Variants in CPSF7 observed in about 807,000 individuals in gnomAD.
CPSF7 encodes cleavage and polyadenylation specificity factor subunit 7.
In CPSF7, 1 loss-of-function variant was observed where a neutral mutation model predicts 44.3. The ratio of observed to expected loss-of-function variants is 0.02; its 90% CI spans 0.01 to 0.11. The LOEUF (loss-of-function observed/expected upper bound fraction) is 0.11, where lower values mean the gene tolerates loss of function less well. CPSF7 is among the 10% of genes least tolerant of loss of function. The probability of loss-of-function intolerance (pLI) is 1.00; values close to 1 mark genes in which losing one functional copy is unlikely to be tolerated. For synonymous variants in CPSF7, 202 were observed against 222.0 expected (o/e 0.91, Z 0.80); for missense variants, 443 against 607.2 (o/e 0.73, Z 2.84).
At chr11:61,429,624 G>T in intron 1 of CPSF7, 1 of 1,011,646 alleles carries the variant, frequency 9.9e-7, no homozygotes, top group Non-Finnish European at 1.4e-6. Flanking sequence ...GCCCCTATCC[G>T]CTGCACCTGC....
At chr11:61,425,060 T>C (rs548123947) in intron 2 of CPSF7, among the ~76,000 whole-genome samples, 25 of 152,342 alleles carry the variant, frequency 1.6e-4, no homozygotes, top group African/African-American at 5.8e-4. Flanking sequence ...CTGGAGAATC[T>C]TGGTATGGCT....
intron 1 of CPSF7, chr11:61,429,643 CA>C (rs1861759688): frequency 1.6e-6 from 2 of 1,233,590 alleles, no homozygotes; most frequent in African/African-American, 3.0e-5. Flanking sequence ...GCCTAGCCCC[CA>C]AGGCGGCTCC....
intron 2 of CPSF7, among the ~76,000 whole-genome samples, chr11:61,427,844 A>T (rs1861536595): frequency 6.6e-6 from 1 of 152,210 alleles, no homozygotes; most frequent in African/African-American, 2.4e-5. Flanking sequence ...TCCATGTTAT[A>T]AAACCATAAT....
At chr11:61,425,251 A>T (rs1013419107) in intron 2 of CPSF7, among the ~76,000 whole-genome samples, 20 of 152,360 alleles carry the variant, frequency 1.3e-4, no homozygotes, top group African/African-American at 4.6e-4. Flanking sequence ...CCCCAGCATC[A>T]CAATTCATTT....
chr11:61,415,160 A>T (rs1860204896), intron 7 of CPSF7, among the ~76,000 whole-genome samples: 1 of 152,144 alleles, frequency 6.6e-6, no homozygotes, highest in South Asian at 2.1e-4. Flanking sequence ...ATCGCTTGAA[A>T]CCAGGAGGTG....
chr11:61,426,933 C>T (rs1393009896), intron 2 of CPSF7: 1 of 143,344 alleles, frequency 7.0e-6, no homozygotes, highest in African/African-American at 2.6e-5. Flanking sequence ...GAGGCTGAGG[C>T]AGGAGAATCA....
chr11:61,429,740 G>T, intron 1 of CPSF7, 174 bp downstream of exon 1: 2 of 1,524,692 alleles, frequency 1.3e-6, no homozygotes, highest in South Asian at 1.2e-5. Flanking sequence ...GGCCCGCCCC[G>T]CTCCCTCCCG....
intron 2 of CPSF7, among the ~76,000 whole-genome samples, chr11:61,424,135 A>C (rs1861143292): frequency 6.6e-6 from 1 of 152,222 alleles, no homozygotes; most frequent in Non-Finnish European, 1.5e-5. Context: ...ATCCATCAAA[A>C]AGGATTGTGC....
rs1327762277 is a variant in CPSF7, at chr11:61,410,942, C to G, written c.*1G>C. The G allele has an allele frequency of 6.3e-7, 1 of 1,594,416 alleles. No individual in the cohort carries two copies. The highest frequency in any genetic ancestry group is 8.5e-7 in the Non-Finnish European group (1 of 1,173,156). On this transcript the variant is annotated 3_prime_UTR_variant, in exon 9 of 10. Transcript: ENST00000439958. ...AGGAACGGGGCTTCTCCCCACCTTT[C>G]TCAGTGGTGCCGGTCCCGTTCTCTA...
intron 5 of CPSF7, among the ~76,000 whole-genome samples, chr11:61,419,542 AT>A (rs1377869838): frequency 1.3e-5 from 2 of 152,184 alleles, no homozygotes; most frequent in Non-Finnish European, 2.9e-5. Context: ...CTTCTTGATA[AT>A]TTATAGAGAG....
rs1280551771 is a variant in CPSF7 at position 61,429,337 on chromosome 11, G to A, written c.-55-47C>T. 2.6e-6 allele frequency: 3 copies of A among 1,152,262 alleles called. No individual in the cohort carries two copies. In the East Asian group the frequency reaches 7.0e-5, roughly 27 times the overall value. The allele number at this position is 1,152,262 out of a possible 1,614,324, so 71.4% of individuals were successfully genotyped here. On this transcript the variant is annotated intron_variant, in intron 1 of 9. Transcript: ENST00000439958. ...AAGAATTAGAAGGCACGAGGGTCCT[G>A]GGCTGGGAAGAGGGTAATGATTGCT...
chr11:61,411,967 G>A, intron 7 of CPSF7, 30 bp from the exon 8 acceptor site: 1 of 1,600,964 alleles, frequency 6.2e-7, no homozygotes, highest in Non-Finnish European at 8.6e-7. Flanking sequence ...AAAGGCCAAG[G>A]GTGAGGAGAG....
At chr11:61,427,603 A>C (rs1216546947) in intron 2 of CPSF7, among the ~76,000 whole-genome samples, 1 of 150,064 alleles carries the variant, frequency 6.7e-6, no homozygotes, top group African/African-American at 2.4e-5. Context: ...CAGTGAGCCG[A>C]GATCGCGCCA....
chr11:61,429,674 C>A, intron 1 of CPSF7: 1 of 1,455,022 alleles, frequency 6.9e-7, no homozygotes, highest in Non-Finnish European at 9.3e-7. Context: ...CCCCAGGTGT[C>A]AAGCAGCTCC....
rs1282266339 is a variant in CPSF7 at position 61,419,980 on chromosome 11, G to A, written c.492C>T (p.Asn164=). The A allele has an allele frequency of 3.7e-6, 6 of 1,614,126 alleles. No homozygotes were observed. The South Asian group carries it at 5.5e-5, about 15-fold the overall frequency. The change falls in exon 5 of 10, where the codon AAC becomes AAT. Residue 164 remains asparagine, a synonymous_variant. Coordinates refer to ENST00000439958, the MANE Select transcript of CPSF7 (RefSeq NM_001142565.3). ...GAGCCTGTGCCTCAAACTGTGACAG[G>A]TTCTGCCGGGTGGCCGGCCTCACGT... ...KVDVRPATRQ[N]LSQFEAQARK...
At position 61,402,780 on chromosome 11, in the gene CPSF7, A is replaced by G. The variant is rs1003634471; in HGVS notation, c.*1930T>C. 6.6e-6 allele frequency: 1 copy of G among 152,500 alleles called. No individual in the cohort carries two copies. The highest frequency in any genetic ancestry group is 1.5e-5 in the Non-Finnish European group (1 of 68,028). 9.4% of individuals were successfully genotyped at this position (152,500 alleles called of 1,614,324 possible). A position where few individuals can be genotyped will look rare whatever the true frequency, so the allele number is the denominator to read the frequency against. ...CAATTTTCAACCTATCAGAAAGACAAACAAATCACCGACAACAGGGGGACG... is the reference window on the plus strand; with the variant it reads ...CAATTTTCAACCTATCAGAAAGACAGACAAATCACCGACAACAGGGGGACG... On this transcript the variant is annotated 3_prime_UTR_variant, in exon 10 of 10. Transcript: ENST00000439958.
At chr11:61,427,362 TA>T (rs1465720851) in intron 2 of CPSF7, 4 of 151,998 alleles carry the variant, frequency 2.6e-5, no homozygotes, top group Non-Finnish European at 4.4e-5. Context: ...TATTTAAAAC[TA>T]AAAAATTTTT....
chr11:61,411,726 T>A, intron 8 of CPSF7, 43 bp downstream of exon 8: 1 of 1,568,482 alleles, frequency 6.4e-7, no homozygotes, highest in Non-Finnish European at 8.7e-7. Context: ...CCTGGAAGAG[T>A]GCTGCTTGGG....
intron 4 of CPSF7, 54 bp downstream of exon 4, chr11:61,420,416 T>A (rs1860754958): frequency 2.0e-6 from 3 of 1,470,982 alleles, no homozygotes; most frequent in South Asian, 2.3e-5. Flanking sequence ...ATAGTACAGA[T>A]CTTTTATCCC....
Sources: gnomAD v4.1 joint callset for allele counts (sites outside exome capture counted in the v4.1 genomes callset) on GRCh38, gnomAD v4.1.1 for gene constraint, MANE v1.5 for transcripts, NCBI Gene and HGNC (gene_info 2026-07-23, HGNC 2026-07-21) for gene names.